The following MARCHF8 variants were observed in gnomAD, a reference collection of about 807,000 sequenced individuals.
The protein encoded by MARCHF8 is membrane associated ring-CH-type finger 8, also known as E3 ubiquitin-protein ligase MARCHF8.
A neutral mutation model predicts 51.6 loss-of-function variants in MARCHF8; 40 were observed. The observed-to-expected ratio is 0.77, with a 90% CI of 0.60 to 1.01. MARCHF8 has a LOEUF of 1.01. Among genes scored for constraint, MARCHF8 ranks in the 50% least tolerant of loss-of-function variants. The pLI is 0.00. For missense variants in MARCHF8, 685 were observed against 708.6 expected, an observed-to-expected ratio of 0.97 and a Z score of 0.38; for synonymous variants, 263 against 280.3, an observed-to-expected ratio of 0.94 and a Z score of 0.62.
In MARCHF8 at chr10:45,547,581, G is replaced by C. The variant is rs372964659; in HGVS notation, c.-78-14292C>G. ...GCTTGACTAAATGTGATAGTGTGCA[G>C]CAACCGATCAGGTGAACCTAAAATA... On this transcript the variant is annotated intron_variant, in intron 1 of 6. Coordinates refer to the MARCHF8 transcript ENST00000319836. Among the ~76,000 whole-genome samples the C allele has an allele frequency of 7.0e-4, 106 of 152,268 alleles. 1 individual carries two copies. The highest frequency in any genetic ancestry group is 2.4e-3 in the African/African-American group (100 of 41,552).
intron 2 of MARCHF8, among the ~76,000 whole-genome samples, chr10:45,494,131 A>G (rs993620864): frequency 6.6e-6 from 1 of 152,204 alleles, no homozygotes; most frequent in African/African-American, 2.4e-5. Context: ...GTGAGAAGCT[A>G]CCAGATCACA....
At chr10:45,466,871 G>A (rs895532739) in intron 3 of MARCHF8, among the ~76,000 whole-genome samples, 4 of 152,188 alleles carry the variant, frequency 2.6e-5, no homozygotes, top group African/African-American at 7.2e-5. Flanking sequence ...CCATGATGAG[G>A]AGCAAGGCCT....
At chr10:45,556,480 A>G (rs536935043) in intron 1 of MARCHF8, among the ~76,000 whole-genome samples, 2 of 152,384 alleles carry the variant, frequency 1.3e-5, no homozygotes, top group East Asian at 3.9e-4. Context: ...TGCCAGCTAG[A>G]GCCAGGCACA....
intron 2 of MARCHF8, among the ~76,000 whole-genome samples, chr10:45,527,719 G>A (rs551855921): frequency 6.6e-6 from 1 of 152,172 alleles, no homozygotes; most frequent in African/African-American, 2.4e-5. Flanking sequence ...TGACAACACT[G>A]TTCCCCCAAA....
At chr10:45,589,514 T>C (rs1045987593) in intron 1 of MARCHF8, among the ~76,000 whole-genome samples, 1 of 152,178 alleles carries the variant, frequency 6.6e-6, no homozygotes, top group African/African-American at 2.4e-5. Context: ...TTAGAATATT[T>C]TATCACCCCA....
intron 2 of MARCHF8, among the ~76,000 whole-genome samples, chr10:45,512,808 G>A (rs1327929578): frequency 6.6e-5 from 10 of 152,136 alleles, no homozygotes; most frequent in Admixed American, 3.9e-4. Context: ...GAAAAGATTG[G>A]GAAATCGGAT....
At chr10:45,568,530 C>A (rs1447910866) in intron 1 of MARCHF8, among the ~76,000 whole-genome samples, 1 of 151,936 alleles carries the variant, frequency 6.6e-6, no homozygotes, top group Non-Finnish European at 1.5e-5. Context: ...ACCATCCTGG[C>A]CAACGTGGTG....
intron 1 of MARCHF8, among the ~76,000 whole-genome samples, chr10:45,592,660 C>T (rs903487118): frequency 2.0e-5 from 3 of 152,138 alleles, no homozygotes; most frequent in Admixed American, 6.5e-5. Context: ...AGTGAATCAA[C>T]GACAACCCTC....
intron 1 of MARCHF8, among the ~76,000 whole-genome samples, chr10:45,553,713 G>C (rs1352754762): frequency 6.6e-6 from 1 of 152,146 alleles, no homozygotes; most frequent in Non-Finnish European, 1.5e-5. Context: ...TCTATGGAGT[G>C]ATCAGCAGGA....
intron 1 of MARCHF8, among the ~76,000 whole-genome samples, chr10:45,545,427 C>T (rs12241567): frequency 6.6e-6 from 1 of 152,298 alleles, no homozygotes; most frequent in East Asian, 1.9e-4. Context: ...TTTGGAAAAA[C>T]TAACAAAAAT....
At chr10:45,508,301 A>G (rs2133179147) in intron 2 of MARCHF8, among the ~76,000 whole-genome samples, 1 of 151,332 alleles carries the variant, frequency 6.6e-6, no homozygotes, top group South Asian at 2.1e-4. Flanking sequence ...AAGAGGGCCC[A>G]TGAAAGAGGA....
chr10:45,504,750 C>T (rs1355449528), intron 2 of MARCHF8, among the ~76,000 whole-genome samples: 3 of 152,164 alleles, frequency 2.0e-5, no homozygotes, highest in Non-Finnish European at 4.4e-5. Context: ...ATACTAATGA[C>T]TATAATCAGA....
intron 1 of MARCHF8, among the ~76,000 whole-genome samples, chr10:45,548,360 C>G (rs1439112499): frequency 6.6e-6 from 1 of 152,148 alleles, no homozygotes; most frequent in Non-Finnish European, 1.5e-5. Flanking sequence ...GTGGGGCAGG[C>G]AGGACTCGGC....
At chr10:45,554,823 G>A (rs544680873) in intron 1 of MARCHF8, among the ~76,000 whole-genome samples, 57 of 152,362 alleles carry the variant, frequency 3.7e-4, no homozygotes, top group African/African-American at 9.4e-4. Flanking sequence ...GGAAGGCCAA[G>A]ACTAGCGGAT....
At chr10:45,569,585 C>CG (rs2044405815) in intron 1 of MARCHF8, among the ~76,000 whole-genome samples, 1 of 152,002 alleles carries the variant, frequency 6.6e-6, no homozygotes, top group South Asian at 2.1e-4. Flanking sequence ...TGGAAAAGGA[C>CG]CCTTGTTTTT....
chr10:45,478,698 C>A (rs995687686), intron 3 of MARCHF8, among the ~76,000 whole-genome samples: 4 of 151,698 alleles, frequency 2.6e-5, no homozygotes, highest in African/African-American at 9.7e-5. Context: ...GGAGACATTA[C>A]AAATAACACA....
At chr10:45,585,580 T>C (rs2044609690) in intron 1 of MARCHF8, among the ~76,000 whole-genome samples, 1 of 151,888 alleles carries the variant, frequency 6.6e-6, no homozygotes, top group Admixed American at 6.6e-5. Context: ...AATGAAATAA[T>C]AAAAACAAAA....
At chr10:45,482,230 CCA>C (rs909135702) in intron 3 of MARCHF8, among the ~76,000 whole-genome samples, 10 of 152,136 alleles carry the variant, frequency 6.6e-5, no homozygotes, top group Non-Finnish European at 1.5e-4. Flanking sequence ...ATTAAAATGA[CCA>C]TACTACCCAA....
intron 2 of MARCHF8, among the ~76,000 whole-genome samples, chr10:45,511,528 C>T (rs2043504326): frequency 6.6e-6 from 1 of 152,244 alleles, no homozygotes; most frequent in South Asian, 2.1e-4. Context: ...CTGCCTCAGC[C>T]TGCCGAGTGC....
Sources: allele counts gnomAD v4.1 joint callset (sites outside exome capture counted in the v4.1 genomes callset), GRCh38; gene constraint gnomAD v4.1.1; transcripts MANE v1.5; gene names NCBI Gene and HGNC (gene_info 2026-07-23, HGNC 2026-07-21).